The following ERC1 variants were observed in gnomAD, a reference collection of about 807,000 sequenced individuals.
ERC1 encodes the protein ELKS/RAB6-interacting/CAST family member 1, also known as RAB6 interacting protein 2.
A neutral mutation model predicts 132.0 loss-of-function variants in ERC1; 56 were observed. The ratio of observed to expected loss-of-function variants is 0.42; its 90% CI spans 0.34 to 0.53. The LOEUF is 0.53. Ranked by LOEUF, ERC1 falls within the 20% of genes least tolerant of loss-of-function variation. The pLI is 0.03. For missense variants in ERC1, 1,202 were observed against 1,349.9 expected (o/e 0.89, Z 1.72); for synonymous variants, 478 against 476.1 (o/e 1.00, Z -0.05).
chr12:1,233,220 C>T (rs2075174771), intron 12 of ERC1, among the ~76,000 whole-genome samples: 1 of 152,088 alleles, frequency 6.6e-6, no homozygotes, highest in Non-Finnish European at 1.5e-5. Context: ...CCTGTAATCC[C>T]AGCACTTTGG....
At chr12:1,365,328 A>G (rs1356665962) in intron 15 of ERC1, among the ~76,000 whole-genome samples, 2 of 120,140 alleles carry the variant, frequency 1.7e-5, no homozygotes, top group Non-Finnish European at 1.7e-5. Context: ...ACTGGCCTGG[A>G]AAAAAAAAAA....
At chr12:1,048,225 C>G (rs1592935599) in intron 2 of ERC1, among the ~76,000 whole-genome samples, 1 of 152,218 alleles carries the variant, frequency 6.6e-6, no homozygotes. Flanking sequence ...AGTAGAATTA[C>G]AGTGTTAGTG....
At chr12:1,437,829 A>C (rs529676062) in intron 17 of ERC1, among the ~76,000 whole-genome samples, 1 of 152,352 alleles carries the variant, frequency 6.6e-6, no homozygotes, top group Non-Finnish European at 1.5e-5. Context: ...TGTGAGCTGT[A>C]AAACTAAGAA....
At chr12:1,456,518 C>G (rs1174080607) in intron 18 of ERC1, among the ~76,000 whole-genome samples, 4 of 152,070 alleles carry the variant, frequency 2.6e-5, no homozygotes, top group Non-Finnish European at 5.9e-5. Context: ...TTGAGACACC[C>G]TATGACCAAG....
At chr12:1,442,738 CAT>C (rs2093191642) in intron 17 of ERC1, among the ~76,000 whole-genome samples, 2 of 152,118 alleles carry the variant, frequency 1.3e-5, no homozygotes, top group South Asian at 4.1e-4. Flanking sequence ...CCATGAAAAA[CAT>C]AGTTTCGGTC....
At chr12:1,146,299 A>G (rs1434017802) in intron 8 of ERC1, among the ~76,000 whole-genome samples, 2 of 27,708 alleles carry the variant, frequency 7.2e-5, no homozygotes, top group Admixed American at 6.5e-4. Flanking sequence ...TTGTTTAGGT[A>G]TTTTACTGGT....
chr12:1,052,539 C>T (rs949562637), intron 2 of ERC1, among the ~76,000 whole-genome samples: 2 of 151,888 alleles, frequency 1.3e-5, no homozygotes, highest in African/African-American at 4.8e-5. Context: ...GCTATAACAC[C>T]GAAGAGAAAA....
intron 15 of ERC1, among the ~76,000 whole-genome samples, chr12:1,365,005 A>G (rs2086520947): frequency 6.6e-6 from 1 of 152,198 alleles, no homozygotes; most frequent in African/African-American, 2.4e-5. Flanking sequence ...CACAGATTCA[A>G]TGTTCTGTTT....
intron 3 of ERC1, among the ~76,000 whole-genome samples, chr12:1,101,770 C>A (rs192567131): frequency 6.6e-6 from 1 of 152,008 alleles, no homozygotes; most frequent in Non-Finnish European, 1.5e-5. Context: ...GTGGGGTATA[C>A]GTGTAAAGGT....
At chr12:1,400,950 T>G in intron 16 of ERC1, among the ~76,000 whole-genome samples, 4 of 128,678 alleles carry the variant, frequency 3.1e-5, no homozygotes, top group African/African-American at 6.1e-5. Context: ...TTTTTTTTTT[T>G]TTTGTGACGG....
At chr12:1,297,852 G>A (rs2080085646) in intron 15 of ERC1, among the ~76,000 whole-genome samples, 1 of 152,128 alleles carries the variant, frequency 6.6e-6, no homozygotes, top group Non-Finnish European at 1.5e-5. Context: ...TATAATATGT[G>A]TAAAAGTGAA....
chr12:1,201,396 G>A (rs1956903025), intron 12 of ERC1, among the ~76,000 whole-genome samples: 1 of 152,188 alleles, frequency 6.6e-6, no homozygotes, highest in Non-Finnish European at 1.5e-5. Flanking sequence ...GGGAGTAGGA[G>A]AAAGTAGTAT....
intron 7 of ERC1, among the ~76,000 whole-genome samples, chr12:1,120,980 A>G (rs936557934): frequency 6.6e-6 from 1 of 152,180 alleles, no homozygotes; most frequent in East Asian, 1.9e-4. Flanking sequence ...TTAGTAATAC[A>G]TTCTTAGAAC....
chr12:1,353,045 T>A (rs2085168538), intron 15 of ERC1, among the ~76,000 whole-genome samples: 2 of 150,558 alleles, frequency 1.3e-5, no homozygotes, highest in African/African-American at 4.9e-5. Flanking sequence ...TTTTTTTTTT[T>A]TCTGAGATGG....
At chr12:990,856 C>T (rs934455416), upstream of ERC1, among the ~76,000 whole-genome samples, 1 of 151,932 alleles carries the variant, frequency 6.6e-6, no homozygotes, top group Non-Finnish European at 1.5e-5. Flanking sequence ...CCACTTCCTA[C>T]GGCAAGCAGG....
intron 14 of ERC1, among the ~76,000 whole-genome samples, chr12:1,267,670 GAGGATCA>G (rs1790031025): frequency 6.6e-6 from 1 of 152,168 alleles, no homozygotes; most frequent in Non-Finnish European, 1.5e-5. Context: ...ACTGAGGTGA[GAGGATCA>G]CCTGAGCCTA....
At chr12:1,437,143 GA>G (rs1200884765) in intron 17 of ERC1, among the ~76,000 whole-genome samples, 8 of 152,164 alleles carry the variant, frequency 5.3e-5, no homozygotes, top group Non-Finnish European at 1.2e-4. Context: ...TCTGCTCCTG[GA>G]ATTTCTGAGT....
At chr12:1,347,342 T>G (rs996598445) in intron 15 of ERC1, among the ~76,000 whole-genome samples, 39 of 152,236 alleles carry the variant, frequency 2.6e-4, no homozygotes, top group African/African-American at 8.9e-4. Context: ...AAACAATTAG[T>G]TTTTTTAAAC....
intron 2 of ERC1, among the ~76,000 whole-genome samples, chr12:1,068,627 A>T (rs571343300): frequency 6.6e-6 from 1 of 152,246 alleles, no homozygotes; most frequent in South Asian, 2.1e-4. Context: ...CATACCCTTG[A>T]AGCTCTGATT....
Sources: gnomAD v4.1 joint callset for allele counts (sites outside exome capture counted in the v4.1 genomes callset) on GRCh38, gnomAD v4.1.1 for gene constraint, MANE v1.5 for transcripts, NCBI Gene and HGNC (gene_info 2026-07-23, HGNC 2026-07-21) for gene names.